The following INPP4A variants were observed in gnomAD, a reference collection of about 807,000 sequenced individuals.
INPP4A encodes inositol polyphosphate-4-phosphatase type I A.
INPP4A carries 33 observed loss-of-function variants against 119.8 expected under a neutral mutation model. The observed-to-expected ratio is 0.28, with a 90% CI of 0.21 to 0.37. The LOEUF is 0.37. Among genes scored for constraint, INPP4A ranks in the 10% least tolerant of loss-of-function variants. The pLI is 1.00. For synonymous variants in INPP4A, 496 were observed against 500.7 expected, an observed-to-expected ratio of 0.99 and a Z score of 0.12; for missense variants, 956 against 1,289.9, an observed-to-expected ratio of 0.74 and a Z score of 3.97.
rs1378046457 is a variant in INPP4A at position 98,552,957 on chromosome 2, C to G, written c.1335C>G (p.Ile445Met). The change falls in exon 14 of 25, where the codon ATC becomes ATG. Residue 445 changes from isoleucine to methionine, a missense_variant. Physicochemically the swap from Ile to Met is conservative, Grantham distance 10 (BLOSUM62 1). Transcript: ENST00000409851. Reference protein sequence around the residue: ...SATGLERTLAILADKTRQLVT... With the variant: ...SATGLERTLAMLADKTRQLVT... ...CTGGCCTTGAGAGGACACTCGCCAT[C>G]TTGGCAGACAAGGTAGGAGGGGTGC... 6.2e-7 allele frequency: 1 copy of G among 1,610,584 alleles called. No individual in the cohort carries two copies.
At position 98,554,377 on chromosome 2, in the gene INPP4A, C is replaced by G. The variant is rs1442257080; in HGVS notation, c.1454C>G (p.Ser485Trp). Residue 485 changes from serine (S) to tryptophan (W), a missense_variant, in exon 15 of 25, where the codon TCG becomes TGG. By Grantham distance (177) the Ser-to-Trp change is radical (BLOSUM62 -3). Coordinates refer to ENST00000409851, the MANE Select transcript of INPP4A (RefSeq NM_001134225.2). This position sits in a 1 kb window ranked among gnomAD's most constrained non-coding sequence, Gnocchi z 4.7. ...ATTGCCTCCAAGGCCTCTCCCACTT[C>G]GACTGAGGAGGAGCAGGTGATGCTT... Reference protein sequence around the residue: ...DYIASKASPTSTEEEQVMLRN... With the variant: ...DYIASKASPTWTEEEQVMLRN... The G allele has an allele frequency of 3.1e-6, 5 of 1,613,720 alleles. No individual in the cohort carries two copies. Among genetic ancestry groups the G allele is most frequent in the Non-Finnish European group, 4.2e-6 (5 of 1,179,772 alleles).
At chr2:98,453,038 A>AT (rs1695506324) in intron 1 of INPP4A, among the ~76,000 whole-genome samples, 1 of 152,180 alleles carries the variant, frequency 6.6e-6, no homozygotes, top group Non-Finnish European at 1.5e-5. Context: ...TACCTGTGTT[A>AT]TGTCCCCTTT....
intron 18 of INPP4A, 124 bp from the exon 19 acceptor site, chr2:98,564,516 G>A (rs1380055659): frequency 1.7e-6 from 2 of 1,192,884 alleles, no homozygotes; most frequent in Admixed American, 2.0e-5. Context: ...GATGGGAGGT[G>A]CCACTGAAGC....
intron 13 of INPP4A, among the ~76,000 whole-genome samples, chr2:98,549,769 G>A (rs1693163123): frequency 6.6e-6 from 1 of 151,982 alleles, no homozygotes; most frequent in Non-Finnish European, 1.5e-5. Flanking sequence ...CCAGGCTGAG[G>A]CCTCTCAACT....
In INPP4A at chr2:98,519,349, C is replaced by G. The variant is rs41280583; in HGVS notation, c.-104+324C>G. The stretch of plus-strand genomic sequence containing the variant: ...ACTCAGCCTGTGGCAGTGTTTTACC[C>G]AGAGCCCTCCCTTTCCATAGCACAG... On this transcript the variant is annotated intron_variant, in intron 2 of 24. Transcript: ENST00000409851. The G allele has an allele frequency of 4.6e-3, 707 of 152,392 alleles. 3 individuals carry two copies. The highest frequency in any genetic ancestry group is 0.02 in the Middle Eastern group (6 of 294). The allele number at this position is 152,392 out of a possible 1,614,324, so 9.4% of individuals were successfully genotyped here. A position where few individuals can be genotyped will look rare whatever the true frequency, so the allele number is the denominator to read the frequency against.
intron 1 of INPP4A, among the ~76,000 whole-genome samples, chr2:98,453,261 A>G (rs1381937458): frequency 6.6e-6 from 1 of 152,210 alleles, no homozygotes; most frequent in East Asian, 1.9e-4. Flanking sequence ...CATTAGCACT[A>G]ATTATTGCGG....
rs1381839402 is a variant in INPP4A at position 98,554,560 on chromosome 2, C to G, written c.1566+71C>G. ...GAAAACCACAAAACCTGTTGCCAGT[C>G]TCTGCCCCTCTGAAGTGCCTCAAGG... On this transcript the variant is annotated intron_variant, in intron 15 of 24. Coordinates refer to ENST00000409851, the MANE Select transcript of INPP4A (RefSeq NM_001134225.2). This position sits in a 1 kb window ranked among gnomAD's most constrained non-coding sequence, Gnocchi z 4.7. The G allele has an allele frequency of 2.9e-5, 39 of 1,347,348 alleles. No homozygotes were observed. The highest frequency in any genetic ancestry group is 3.8e-5 in the Non-Finnish European group (37 of 971,186). 83.5% of individuals were successfully genotyped at this position (1,347,348 alleles called of 1,614,324 possible).
Position 98,554,385 on chromosome 2 carries a change from G to A in INPP4A, c.1462G>A (p.Glu488Lys), listed in dbSNP as rs1694092931. The change falls in exon 15 of 25, where the codon GAG (glutamate) becomes AAG (lysine). Residue 488 changes from glutamate to lysine, a missense_variant. Transcript: ENST00000409851. This position sits in a 1 kb window ranked among gnomAD's most constrained non-coding sequence, Gnocchi z 4.7. ...CAAGGCCTCTCCCACTTCGACTGAG[G>A]AGGAGCAGGTGATGCTTAGAAATGA... is the stretch of plus-strand genomic sequence containing the variant. ...ASKASPTSTE[E>K]EQVMLRNDQD... is the part of the protein sequence containing the mutation. 6.2e-7 allele frequency: 1 copy of A among 1,613,858 alleles called. No homozygotes were observed. Among genetic ancestry groups the A allele is most frequent in the Non-Finnish European group, 8.5e-7 (1 of 1,179,824 alleles).
intron 24 of INPP4A, 134 bp downstream of exon 24, chr2:98,577,277 G>T (rs1698581155): frequency 1.1e-6 from 1 of 930,368 alleles, no homozygotes; most frequent in Non-Finnish European, 1.5e-6. Context: ...ACTTGAGTTT[G>T]ACAAACCCGT....
At chr2:98,549,226 T>A (rs1188062770) in intron 13 of INPP4A, among the ~76,000 whole-genome samples, 1 of 152,124 alleles carries the variant, frequency 6.6e-6, no homozygotes, top group Non-Finnish European at 1.5e-5. Flanking sequence ...AGGACCTAGT[T>A]CTGTTTCTCC....
intron 17 of INPP4A, among the ~76,000 whole-genome samples, chr2:98,562,093 A>G (rs1296737241): frequency 1.3e-5 from 2 of 152,138 alleles, no homozygotes; most frequent in Admixed American, 6.5e-5. Flanking sequence ...GGGCCTCCAC[A>G]TTTTCCACCT....
intron 1 of INPP4A, among the ~76,000 whole-genome samples, chr2:98,449,941 T>C (rs1694934762): frequency 6.6e-6 from 1 of 152,246 alleles, no homozygotes; most frequent in African/African-American, 2.4e-5. Context: ...TTCTTGTTAA[T>C]GTATATTTTA....
chr2:98,518,486 C>CT (rs1316700575), intron 1 of INPP4A, among the ~76,000 whole-genome samples: 1 of 152,254 alleles, frequency 6.6e-6, no homozygotes, highest in Non-Finnish European at 1.5e-5. Context: ...TGAGTGGGGC[C>CT]TGGGGGCCCA....
intron 24 of INPP4A, among the ~76,000 whole-genome samples, chr2:98,584,085 C>G (rs1559125358): frequency 6.6e-6 from 1 of 152,194 alleles, no homozygotes; most frequent in Non-Finnish European, 1.5e-5. Context: ...TCACCAAACG[C>G]CAGCTCATGG....
chr2:98,549,977 A>G (rs1693208307), intron 13 of INPP4A, among the ~76,000 whole-genome samples: 1 of 152,036 alleles, frequency 6.6e-6, no homozygotes, highest in Admixed American at 6.5e-5. Flanking sequence ...CCATAACGGG[A>G]CAAGTAAAGT....
At chr2:98,552,113 G>C (rs1308938828) in intron 13 of INPP4A, among the ~76,000 whole-genome samples, 1 of 152,194 alleles carries the variant, frequency 6.6e-6, no homozygotes, top group Non-Finnish European at 1.5e-5. Context: ...AGCCACTGAG[G>C]AGTCCGGCTT....
At chr2:98,568,125 C>T (rs989010722) in intron 21 of INPP4A, among the ~76,000 whole-genome samples, 3 of 152,176 alleles carry the variant, frequency 2.0e-5, no homozygotes, top group African/African-American at 7.2e-5. Context: ...ATGTCAGTCC[C>T]GGAGGGGCTG....
chr2:98,529,723 G>A (rs1266575138), intron 4 of INPP4A, among the ~76,000 whole-genome samples: 1 of 152,104 alleles, frequency 6.6e-6, no homozygotes, highest in Non-Finnish European at 1.5e-5. Context: ...GCAACAGAGT[G>A]AGACTCCATC....
chr2:98,527,540 G>A (rs1291358840), intron 4 of INPP4A, among the ~76,000 whole-genome samples: 1 of 152,234 alleles, frequency 6.6e-6, no homozygotes, highest in African/African-American at 2.4e-5. Flanking sequence ...TCAAAGGCCA[G>A]TGAAGGGCTG....
Sources: allele counts gnomAD v4.1 joint callset (sites outside exome capture counted in the v4.1 genomes callset), GRCh38; gene constraint gnomAD v4.1.1; non-coding constraint Gnocchi (gnomAD v3.1); transcripts MANE v1.5; gene names NCBI Gene and HGNC (gene_info 2026-07-23, HGNC 2026-07-21).